Variants in SLC35F4 observed in about 807,000 individuals in gnomAD.
SLC35F4 encodes chromosome 14 open reading frame 36.
A neutral mutation model predicts 44.2 loss-of-function variants in SLC35F4; 24 were observed. That is an observed-to-expected ratio of 0.54 (90% confidence interval 0.39 to 0.76). The LOEUF is 0.76. Among genes scored for constraint, SLC35F4 ranks in the 30% least tolerant of loss-of-function variants. The pLI, the probability that SLC35F4 is intolerant of heterozygous loss-of-function variation, is 0.00. For synonymous variants in SLC35F4, 238 were observed against 223.6 expected (o/e 1.06, Z -0.57); for missense variants, 562 against 586.1 (o/e 0.96, Z 0.42).
intron 1 of SLC35F4, among the ~76,000 whole-genome samples, chr14:57,609,668 C>T (rs981186558): frequency 6.6e-6 from 1 of 152,204 alleles, no homozygotes; most frequent in African/African-American, 2.4e-5. Context: ...TATGCATGCT[C>T]TCCTCTCGAA....
At chr14:57,960,307 G>A (rs1251678042) in intron 1 of SLC35F4, among the ~76,000 whole-genome samples, 2 of 152,170 alleles carry the variant, frequency 1.3e-5, no homozygotes, top group African/African-American at 4.8e-5. Context: ...TGGCCTGGGA[G>A]CTCACTCAGA....
chr14:57,604,086 G>A (rs954833741), intron 1 of SLC35F4: 1 of 152,168 alleles, frequency 6.6e-6, no homozygotes, highest in Non-Finnish European at 1.5e-5. Context: ...TGAGCACCTG[G>A]TGGCAAGTTT....
chr14:57,619,271 A>C (rs2072040189), intron 1 of SLC35F4, among the ~76,000 whole-genome samples: 1 of 152,214 alleles, frequency 6.6e-6, no homozygotes, highest in African/African-American at 2.4e-5. Context: ...GGGGGCTGAC[A>C]GACACCTCAT....
chr14:57,625,947 A>G (rs2072454428), intron 1 of SLC35F4, among the ~76,000 whole-genome samples: 1 of 152,200 alleles, frequency 6.6e-6, no homozygotes, highest in Non-Finnish European at 1.5e-5. Context: ...GATAGGCTGG[A>G]TAAAGAAAAT....
chr14:57,573,788 T>A (rs947272918), intron 4 of SLC35F4, among the ~76,000 whole-genome samples: 4 of 152,212 alleles, frequency 2.6e-5, no homozygotes, highest in African/African-American at 9.6e-5. Context: ...AGTGTTCATG[T>A]GCACAAATAG....
In SLC35F4 at chr14:57,896,194, T is replaced by G. The variant is rs113480025; in HGVS notation, n.282+85719A>C. ...GATGCCAGTAGGCCAATTAAGGAGCTAATCAGTAATTTAGGCAAGAAACAA... is the reference window on the plus strand; with the variant it reads ...GATGCCAGTAGGCCAATTAAGGAGCGAATCAGTAATTTAGGCAAGAAACAA... On this transcript the variant is annotated intron_variant and non_coding_transcript_variant, in intron 1 of 1. Transcript: ENST00000556568. 5.3e-3 allele frequency among the ~76,000 whole-genome samples: 800 copies of G among 152,264 alleles called. 4 individuals are homozygous for G. Among genetic ancestry groups the G allele is most frequent in the Non-Finnish European group, 7.5e-3 (507 of 68,012 alleles).
chr14:57,947,897 T>C (rs903990869), intron 1 of SLC35F4, among the ~76,000 whole-genome samples: 2 of 152,174 alleles, frequency 1.3e-5, no homozygotes, highest in African/African-American at 2.4e-5. Flanking sequence ...TGATGTATTA[T>C]CTTTTTGATA....
intron 1 of SLC35F4, among the ~76,000 whole-genome samples, chr14:57,855,948 C>T (rs1887040938): frequency 6.6e-6 from 1 of 150,850 alleles, no homozygotes; most frequent in Admixed American, 6.6e-5. Flanking sequence ...AACAGAAAAA[C>T]AAACACCACA....
chr14:57,832,226 A>G (rs1411162157), intron 1 of SLC35F4, among the ~76,000 whole-genome samples: 1 of 135,652 alleles, frequency 7.4e-6, no homozygotes, highest in Non-Finnish European at 1.6e-5. Flanking sequence ...TGCCTTAGCC[A>G]CACCTCTGCC....
At chr14:57,674,160 A>C (rs1011797970) in intron 1 of SLC35F4, among the ~76,000 whole-genome samples, 2 of 152,138 alleles carry the variant, frequency 1.3e-5, no homozygotes, top group East Asian at 1.9e-4. Context: ...AACCACAATA[A>C]GATACCACTA....
chr14:57,765,245 A>G (rs950578143), intron 1 of SLC35F4, among the ~76,000 whole-genome samples: 3 of 152,242 alleles, frequency 2.0e-5, no homozygotes, highest in African/African-American at 7.2e-5. Flanking sequence ...CAAGATGTAG[A>G]TAGGAGTGGA....
intron 1 of SLC35F4, among the ~76,000 whole-genome samples, chr14:57,773,063 G>A (rs1228014782): frequency 6.6e-6 from 1 of 152,056 alleles, no homozygotes; most frequent in East Asian, 1.9e-4. Flanking sequence ...ACTGAGGTAA[G>A]GTATCTCATA....
At chr14:57,614,137 C>T (rs1473129627) in intron 1 of SLC35F4, among the ~76,000 whole-genome samples, 2 of 151,986 alleles carry the variant, frequency 1.3e-5, no homozygotes, top group African/African-American at 4.8e-5. Flanking sequence ...TGCTAACATC[C>T]CATTATTGCT....
chr14:57,936,017 T>C (rs1417964711), intron 1 of SLC35F4, among the ~76,000 whole-genome samples: 1 of 152,230 alleles, frequency 6.6e-6, no homozygotes, highest in Non-Finnish European at 1.5e-5. Flanking sequence ...ATTTCAATTT[T>C]GTTCTTTACT....
rs531838977 is a variant in SLC35F4, at chr14:57,856,371, T to G, written c.103+9352A>C. Reference sequence around the variant, plus strand: ...GCAGGAGTATAGACCTAGGTCTTTCTGTTGCCAAAGTTTGTGGTCTTTGCA... The same window carrying G: ...GCAGGAGTATAGACCTAGGTCTTTCGGTTGCCAAAGTTTGTGGTCTTTGCA... On this transcript the variant is annotated intron_variant, in intron 1 of 7. Transcript: ENST00000556826. Among the ~76,000 whole-genome samples, 6 of 152,176 alleles carry G rather than the reference T, an allele frequency of 3.9e-5. No individual in the cohort carries two copies. The East Asian group carries it at 1.2e-3, about 29-fold the overall frequency.
intron 1 of SLC35F4, among the ~76,000 whole-genome samples, chr14:57,854,277 T>C (rs1886867260): frequency 6.6e-6 from 1 of 152,204 alleles, no homozygotes; most frequent in African/African-American, 2.4e-5. Context: ...CCTTCTTCTT[T>C]ATATTTCTCT....
chr14:57,891,133 T>C (rs1397842392), intron 1 of SLC35F4, among the ~76,000 whole-genome samples: 1 of 152,188 alleles, frequency 6.6e-6, no homozygotes, highest in Non-Finnish European at 1.5e-5. Flanking sequence ...AAAAATGCCA[T>C]AGACTATATC....
chr14:57,608,790 GGGGGGGCGGC>G (rs2071316753), intron 1 of SLC35F4, among the ~76,000 whole-genome samples: 1 of 28,460 alleles, frequency 3.5e-5, no homozygotes, highest in Non-Finnish European at 1.3e-4. Context: ...AGATGGCCGG[GGGGGGGCGGC>G]GGGGGGAGAG....
intron 4 of SLC35F4, among the ~76,000 whole-genome samples, chr14:57,572,220 T>C (rs1286144430): frequency 5.3e-5 from 8 of 152,224 alleles, no homozygotes; most frequent in Non-Finnish European, 4.4e-5. Flanking sequence ...ATAAAAGCTG[T>C]TCACATTCTA....
Sources: allele counts gnomAD v4.1 joint callset (sites outside exome capture counted in the v4.1 genomes callset), GRCh38; gene constraint gnomAD v4.1.1; transcripts MANE v1.5; gene names NCBI Gene and HGNC (gene_info 2026-07-23, HGNC 2026-07-21).